ADAMTS13: variants seen among roughly 807,000 people sequenced by gnomAD.
ADAMTS13 encodes the protein A disintegrin and metalloproteinase with thrombospondin motifs 13.
A neutral mutation model predicts 155.1 loss-of-function variants in ADAMTS13; 110 were observed. That is an observed-to-expected ratio of 0.71 (90% confidence interval 0.61 to 0.83). The LOEUF (loss-of-function observed/expected upper bound fraction) is 0.83. ADAMTS13 is among the 40% of genes least tolerant of loss of function. ADAMTS13 has a pLI of 0.00. For missense variants in ADAMTS13, 1,707 were observed against 1,891.7 expected, an observed-to-expected ratio of 0.90 and a Z score of 1.81; for synonymous variants, 758 against 756.4, an observed-to-expected ratio of 1.00 and a Z score of -0.03.
intron 1 of ADAMTS13, among the ~76,000 whole-genome samples, chr9:133,422,890 C>T (rs1053427250): frequency 6.6e-6 from 1 of 151,568 alleles, no homozygotes; most frequent in Non-Finnish European, 1.5e-5. Context: ...TCCTGTCTCC[C>T]TCTTCATCCA....
At chr9:133,449,192 G>C (rs587643707) in intron 22 of ADAMTS13, among the ~76,000 whole-genome samples, 1 of 152,324 alleles carries the variant, frequency 6.6e-6, no homozygotes, top group South Asian at 2.1e-4. Context: ...ACAGGATCTG[G>C]GATGCTGTGG....
In ADAMTS13 at chr9:133,424,616, T is replaced by G; in HGVS notation, c.330+138T>G. 7.6e-7 allele frequency: 1 copy of G among 1,315,450 alleles called. No homozygotes were observed. The highest frequency in any genetic ancestry group is 1.1e-6 in the Non-Finnish European group (1 of 949,462). 81.5% of individuals were successfully genotyped at this position (1,315,450 alleles called of 1,614,324 possible). On this transcript the variant is annotated intron_variant, in intron 3 of 28. Transcript: ENST00000355699. The surrounding 1 kb of genome is among the most constrained non-coding windows in gnomAD (Gnocchi z 4.3). ...GGCTCGGGGTTCTTCCTCTTCTCCC[T>G]CCCTCCCCTGGGTGGAGGTGGGTGA...
intron 16 of ADAMTS13, 143 bp from the exon 17 acceptor site, chr9:133,442,256 C>T (rs1232674861): frequency 1.8e-5 from 24 of 1,314,670 alleles, no homozygotes; most frequent in Non-Finnish European, 2.2e-5. Flanking sequence ...CAGGCATGAG[C>T]TACCGTGCCT....
chr9:133,438,538 G>T (rs1446260477), intron 14 of ADAMTS13, among the ~76,000 whole-genome samples, 172 bp downstream of exon 14: 1 of 152,154 alleles, frequency 6.6e-6, no homozygotes, highest in Non-Finnish European at 1.5e-5. Flanking sequence ...ACCCTTCTGT[G>T]GCAGGCTCAG....
chr9:133,443,742 C>A (rs782475004), intron 19 of ADAMTS13, among the ~76,000 whole-genome samples, 181 bp downstream of exon 19: 1 of 152,146 alleles, frequency 6.6e-6, no homozygotes, highest in Non-Finnish European at 1.5e-5. Context: ...TCCTTACTAC[C>A]CAGGAGAGCC....
Position 133,442,647 on chromosome 9 carries a change from A to G in ADAMTS13, c.2138A>G (p.Gln713Arg). The G allele has an allele frequency of 6.2e-7, 1 of 1,613,242 alleles. No individual in the cohort carries two copies. Among genetic ancestry groups the G allele is most frequent in the Non-Finnish European group, 8.5e-7 (1 of 1,180,020 alleles). ...TGGGTAAACTACAGCTGCCTGGACC[A>G]GGCCAGGAAGGAGTTGGTGGAGACT... ...LRWVNYSCLD[Q>R]ARKELVETVQ... The change falls in exon 18 of 29, where the codon CAG becomes CGG. Residue 713 changes from glutamine to arginine, a missense_variant. Physicochemically the swap from Gln to Arg is conservative, Grantham distance 43 (BLOSUM62 1). Coordinates refer to ENST00000355699, the MANE Select transcript of ADAMTS13 (RefSeq NM_139027.6).
chr9:133,442,500 T>C lies in ADAMTS13; in HGVS notation c.2070T>C (p.Ala690=). 2.5e-6 allele frequency: 4 copies of C among 1,613,722 alleles called. No individual in the cohort carries two copies. Among genetic ancestry groups the C allele is most frequent in the Non-Finnish European group, 3.4e-6 (4 of 1,180,028 alleles). ...CACGGCAGGCCTGGGTGTGGGCCGC[T>C]GTGCGTGGGCCCTGCTCGGTGAGCT... is the stretch of plus-strand genomic sequence containing the variant. The part of the protein sequence containing the change: ...PKPRQAWVWA[A]VRGPCSVSCG... Residue 690 remains alanine (A), a synonymous_variant, in exon 17 of 29, where the codon GCT becomes GCC. Transcript: ENST00000355699.
chr9:133,451,060 G>C (rs1257468523), intron 23 of ADAMTS13, among the ~76,000 whole-genome samples: 1 of 152,238 alleles, frequency 6.6e-6, no homozygotes, highest in East Asian at 1.9e-4. Flanking sequence ...CCGGAGCCCA[G>C]TGGTAAAGGG....
Position 133,440,312 on chromosome 9 carries a change from C to T in ADAMTS13, c.1787-32C>T. ...CTGTGAGGAGGATGGGTGCTCAGCT[C>T]CACACAGCTAACAGGGCTGGTTCCC... On this transcript the variant is annotated intron_variant, in intron 15 of 28. Transcript: ENST00000355699. This position sits in a 1 kb window ranked among gnomAD's most constrained non-coding sequence, Gnocchi z 4.3. 1 of 1,613,394 alleles carries T rather than the reference C, an allele frequency of 6.2e-7. No homozygotes were observed. Among genetic ancestry groups the T allele is most frequent in the Non-Finnish European group, 8.5e-7 (1 of 1,179,944 alleles).
chr9:133,455,248 A>C, intron 24 of ADAMTS13, 37 bp from the exon 25 acceptor site: 1 of 1,595,920 alleles, frequency 6.3e-7, no homozygotes. Context: ...ACCTTCTGGC[A>C]GGGTCAGCTG....
rs782139922 is a variant in ADAMTS13, at chr9:133,459,123, A to G, written c.4059A>G (p.Gln1353=). 1.9e-5 allele frequency: 31 copies of G among 1,612,786 alleles called. No homozygotes were observed. In the South Asian group the frequency reaches 3.0e-4, roughly 15 times the overall value. ...ASLRGQYWTL[Q]SWVPEMQDPQ... The stretch of plus-strand genomic sequence containing the variant: ...TGCGGGGCCAGTACTGGACCCTCCA[A>G]TCATGGGTACCGGAGATGCAGGACC... Residue 1353 remains glutamine, a synonymous_variant, in exon 29 of 29, where the codon CAA becomes CAG. Coordinates refer to ENST00000355699, the MANE Select transcript of ADAMTS13 (RefSeq NM_139027.6).
rs962780843 is a variant in ADAMTS13, at chr9:133,445,262, C to T, written c.2610+210C>T. On this transcript the variant is annotated intron_variant, in intron 20 of 28. Transcript: ENST00000355699. The surrounding 1 kb of genome is among the most constrained non-coding windows in gnomAD (Gnocchi z 5.0). ...GAAGGCTCCCATTCCCCTTGCAAGC[C>T]GGGCTGAGGGAAGCATCTGAGGAGA... Among the ~76,000 whole-genome samples, 2 of 152,164 alleles carry T rather than the reference C, an allele frequency of 1.3e-5. No individual in the cohort carries two copies. Among genetic ancestry groups the T allele is most frequent in the East Asian group, 1.9e-4 (1 of 5,180 alleles).
chr9:133,440,555 G>C lies in ADAMTS13; in HGVS notation c.1968+30G>C. 1.3e-6 allele frequency: 2 copies of C among 1,563,618 alleles called. No individual in the cohort carries two copies. The highest frequency in any genetic ancestry group is 2.3e-5 in the East Asian group (1 of 42,864). On this transcript the variant is annotated intron_variant, in intron 16 of 28. Coordinates refer to ENST00000355699, the MANE Select transcript of ADAMTS13 (RefSeq NM_139027.6). The surrounding 1 kb of genome is among the most constrained non-coding windows in gnomAD (Gnocchi z 4.3). ...GCAGGAGAGCCTGGGGGAGGCCAGT[G>C]GGGGCTTCTTCTTGGGGGCTATGGC...
intron 16 of ADAMTS13, among the ~76,000 whole-genome samples, chr9:133,442,084 C>T (rs1182262296): frequency 6.6e-6 from 1 of 152,194 alleles, no homozygotes. Context: ...GAGCCTGGTA[C>T]AGGTCAGTGT....
rs905769016 is a variant in ADAMTS13, at chr9:133,438,331, C to T, written c.1670C>T (p.Pro557Leu). ...VCGGDNSTCS[P>L]RKGSFTAGRA... ...GGTGGGGACAACAGCACGTGCAGCC[C>T]ACGGAAGGGCTCTTTCACAGCTGGC... Residue 557 changes from proline (P) to leucine (L), a missense_variant, in exon 14 of 29, where the codon CCA becomes CTA. Coordinates refer to ENST00000355699, the MANE Select transcript of ADAMTS13 (RefSeq NM_139027.6). 14 of 1,613,926 alleles carry T rather than the reference C, an allele frequency of 8.7e-6. No individual in the cohort carries two copies. The highest frequency in any genetic ancestry group is 4.0e-5 in the African/African-American group (3 of 74,896).
chr9:133,420,386 T>G (rs2130762248), upstream of ADAMTS13, among the ~76,000 whole-genome samples: 1 of 152,336 alleles, frequency 6.6e-6, no homozygotes, highest in African/African-American at 2.4e-5. Context: ...GAAAAAAACT[T>G]TGTTCCAGCA....
chr9:133,455,033 C>G (rs1157874600), intron 24 of ADAMTS13, among the ~76,000 whole-genome samples: 1 of 152,136 alleles, frequency 6.6e-6, no homozygotes, highest in East Asian at 1.9e-4. Flanking sequence ...CCTGCTTGCT[C>G]TAAGGCTTGG....
At chr9:133,430,746 CG>C in intron 8 of ADAMTS13, among the ~76,000 whole-genome samples, 1 of 150,674 alleles carries the variant, frequency 6.6e-6, no homozygotes, top group South Asian at 2.1e-4. Flanking sequence ...CTGCAGGCTC[CG>C]CCTGCCAGAT....
rs1841612294 is a variant in ADAMTS13, at chr9:133,440,767, C to T, written c.1968+242C>T. Among the ~76,000 whole-genome samples, 1 of 152,122 alleles carries T rather than the reference C, an allele frequency of 6.6e-6. No homozygotes were observed. The highest frequency in any genetic ancestry group is 2.4e-5 in the African/African-American group (1 of 41,424). On this transcript the variant is annotated intron_variant, in intron 16 of 28. Transcript: ENST00000355699. This position sits in a 1 kb window ranked among gnomAD's most constrained non-coding sequence, Gnocchi z 4.3. The stretch of plus-strand genomic sequence containing the variant: ...CCAGAGCCCGTGGGAGAAGGCCCTG[C>T]AGTTCTGGGATCAGGTAAGGTTGGA...
Sources: allele counts gnomAD v4.1 joint callset (sites outside exome capture counted in the v4.1 genomes callset), GRCh38; gene constraint gnomAD v4.1.1; non-coding constraint Gnocchi (gnomAD v3.1); transcripts MANE v1.5; gene names NCBI Gene and HGNC (gene_info 2026-07-23, HGNC 2026-07-21).